Variants in ART3 observed in about 807,000 individuals in gnomAD.
ART3 encodes ADP-ribosyltransferase 3 (inactive).
Under a neutral mutation model 48.5 loss-of-function variants are expected in ART3, and 49 were observed. The ratio of observed to expected loss-of-function variants is 1.01; its 90% CI spans 0.80 to 1.28. ART3 has a LOEUF of 1.28. Ranked by LOEUF, ART3 falls within the 50% of genes most tolerant of loss-of-function variation. The pLI is 0.00. For synonymous variants in ART3, 145 were observed against 157.2 expected, an observed-to-expected ratio of 0.92 and a Z score of 0.58; for missense variants, 438 against 454.3, an observed-to-expected ratio of 0.96 and a Z score of 0.33.
At chr4:76,064,023 G>A (rs535964820) in intron 1 of ART3, among the ~76,000 whole-genome samples, 69 of 151,964 alleles carry the variant, frequency 4.5e-4, no homozygotes, top group African/African-American at 1.4e-3. Context: ...AGTAGCATGA[G>A]ACAAAAAATA....
chr4:76,073,110 C>T (rs974857797), upstream of ART3, among the ~76,000 whole-genome samples: 1 of 152,196 alleles, frequency 6.6e-6, no homozygotes, highest in Non-Finnish European at 1.5e-5. Context: ...ATATAAACTT[C>T]ACAAAGGCAA....
At chr4:76,061,818 C>T (rs1002818502) in intron 1 of ART3, among the ~76,000 whole-genome samples, 6 of 152,194 alleles carry the variant, frequency 3.9e-5, no homozygotes, top group African/African-American at 1.2e-4. Flanking sequence ...CTTTAGTCTT[C>T]AACTGAATTG....
intron 1 of ART3, among the ~76,000 whole-genome samples, chr4:76,031,069 T>C (rs1179288397): frequency 6.6e-6 from 1 of 152,184 alleles, no homozygotes; most frequent in African/African-American, 2.4e-5. Flanking sequence ...GCCCCATTAC[T>C]TTTCACACCA....
chr4:76,036,447 C>T (rs1182651515), intron 1 of ART3, among the ~76,000 whole-genome samples: 2 of 151,754 alleles, frequency 1.3e-5, no homozygotes, highest in Non-Finnish European at 2.9e-5. Flanking sequence ...TTCTGAAAAG[C>T]TTTTTTTTAT....
chr4:76,027,997 G>T (rs1329938695), intron 1 of ART3, among the ~76,000 whole-genome samples: 1 of 152,190 alleles, frequency 6.6e-6, no homozygotes, highest in East Asian at 1.9e-4. Context: ...AGGATGATTG[G>T]TTTTGGTATC....
intron 3 of ART3, among the ~76,000 whole-genome samples, chr4:76,092,614 CA>C (rs568272423): frequency 1.6e-3 from 238 of 152,030 alleles, no homozygotes; most frequent in Admixed American, 3.2e-3. Context: ...AACTTAGTGT[CA>C]TTTTTTTTTC....
chr4:76,020,125 T>TC (rs766574335), intron 1 of ART3, among the ~76,000 whole-genome samples: 4 of 151,024 alleles, frequency 2.6e-5, no homozygotes, highest in Non-Finnish European at 4.4e-5. Flanking sequence ...TTTTTTTTTT[T>TC]CTTCTTTTTT....
chr4:76,065,014 T>C (rs1719584625), intron 1 of ART3, among the ~76,000 whole-genome samples: 2 of 151,968 alleles, frequency 1.3e-5, no homozygotes, highest in Admixed American at 6.6e-5. Flanking sequence ...GTATTTTTAG[T>C]AGAGACGAGG....
In ART3 at chr4:76,100,811, G is replaced by A. The variant is rs776602218; in HGVS notation, c.894G>A (p.Lys298=). The A allele has an allele frequency of 3.0e-5, 48 of 1,612,446 alleles. No individual in the cohort carries two copies. In the South Asian group the frequency reaches 4.9e-4, roughly 16 times the overall value. ...GTGACTCAGGTGAGAAAAACTGGAA[G>A]CTTGAAGACCATGGTAAGACATTTT... is the stretch of plus-strand genomic sequence containing the variant. ...KLEDHSEKNW[K]LEDHGEKNQK... is the part of the protein sequence containing the mutation. Residue 298 remains lysine, a synonymous_variant, in exon 7 of 12, where the codon AAG becomes AAA. Transcript: ENST00000355810.
chr4:76,038,111 C>G (rs1341115240), intron 1 of ART3, among the ~76,000 whole-genome samples: 3 of 152,126 alleles, frequency 2.0e-5, no homozygotes, highest in African/African-American at 2.4e-5. Flanking sequence ...GATGAAATCT[C>G]ACATCATCTT....
chr4:76,096,834 A>G (rs1478956911), intron 3 of ART3, among the ~76,000 whole-genome samples: 2 of 152,160 alleles, frequency 1.3e-5, no homozygotes, highest in African/African-American at 4.8e-5. Context: ...GGGCATGCCA[A>G]CCCGTTTTCT....
At chr4:76,033,607 G>A (rs1734074017) in intron 1 of ART3, 1 of 152,062 alleles carries the variant, frequency 6.6e-6, no homozygotes, top group Non-Finnish European at 1.5e-5. Context: ...TCATGATGAC[G>A]GATAGGTGTA....
At chr4:76,101,907 A>G (rs78674074) in intron 8 of ART3, among the ~76,000 whole-genome samples, 4,314 of 152,324 alleles carry the variant, frequency 0.028, 161 homozygotes, top group African/African-American at 0.087. Context: ...ACTCGGTTAT[A>G]ACACTTTTGG....
At position 76,075,938 on chromosome 4, in the gene ART3, A is replaced by T; in HGVS notation, c.49A>T (p.Ile17Phe). ...EIVTMLLATM[I>F]LVDIFQVKAE... is the part of the protein sequence containing the mutation. ...AGTCACCATGCTGCTGGCAACCATGATTCTAGTGGACATTTTCCAGGTAAT... is the reference window on the plus strand; with the variant it reads ...AGTCACCATGCTGCTGGCAACCATGTTTCTAGTGGACATTTTCCAGGTAAT... The change falls in exon 2 of 12, where the codon ATT becomes TTT. Residue 17 changes from isoleucine (I) to phenylalanine (F), a missense_variant. Ile to Phe is a conservative substitution (Grantham distance 21). Coordinates refer to ENST00000355810, the MANE Select transcript of ART3 (RefSeq NM_001130016.3). The T allele has an allele frequency of 6.2e-7, 1 of 1,611,608 alleles. No individual in the cohort carries two copies. Among genetic ancestry groups the T allele is most frequent in the Non-Finnish European group, 8.5e-7 (1 of 1,178,750 alleles).
At chr4:76,057,659 G>A (rs1048520621) in intron 1 of ART3, among the ~76,000 whole-genome samples, 4 of 152,218 alleles carry the variant, frequency 2.6e-5, no homozygotes, top group African/African-American at 9.6e-5. Flanking sequence ...AGGAGACCTA[G>A]ATACAGAGAG....
At chr4:76,074,178 A>T (rs1720624022), upstream of ART3, among the ~76,000 whole-genome samples, 1 of 152,102 alleles carries the variant, frequency 6.6e-6, no homozygotes, top group Admixed American at 6.5e-5. Context: ...TAATGTTATC[A>T]CTGGACTTTG....
At chr4:76,105,951 ACT>A in intron 10 of ART3, 2 of 984,622 alleles carry the variant, frequency 2.0e-6, no homozygotes, top group Non-Finnish European at 1.2e-6. Context: ...TCCTCACCAC[ACT>A]CTACAATCGT....
chr4:76,094,811 T>G (rs1725652407), intron 3 of ART3, among the ~76,000 whole-genome samples: 1 of 152,248 alleles, frequency 6.6e-6, no homozygotes, highest in African/African-American at 2.4e-5. Flanking sequence ...GTTCTCTGTT[T>G]GTGCCACTCC....
intron 1 of ART3, among the ~76,000 whole-genome samples, chr4:76,064,418 ATGTTT>A (rs1719514602): frequency 6.6e-6 from 1 of 152,234 alleles, no homozygotes; most frequent in African/African-American, 2.4e-5. Context: ...TGACATAAAA[ATGTTT>A]TGTTTTGAGT....
Sources: allele counts gnomAD v4.1 joint callset (sites outside exome capture counted in the v4.1 genomes callset), GRCh38; gene constraint gnomAD v4.1.1; transcripts MANE v1.5; gene names NCBI Gene and HGNC (gene_info 2026-07-23, HGNC 2026-07-21).